The following CNTNAP2 variants were observed in gnomAD, a reference collection of about 807,000 sequenced individuals.
The protein encoded by CNTNAP2 is contactin associated protein 2.
Under a neutral mutation model 155.2 loss-of-function variants are expected in CNTNAP2, and 98 were observed. The observed-to-expected ratio is 0.63, with a 90% CI of 0.54 to 0.75. The LOEUF is 0.75. CNTNAP2 is among the 30% of genes least tolerant of loss of function. The pLI, the probability that CNTNAP2 is intolerant of heterozygous loss-of-function variation, is 0.00. For synonymous variants in CNTNAP2, 651 were observed against 631.2 expected, an observed-to-expected ratio of 1.03 and a Z score of -0.47; for missense variants, 1,727 against 1,688.1, an observed-to-expected ratio of 1.02 and a Z score of -0.40.
chr7:146,957,860 A>G (rs1161130575), intron 3 of CNTNAP2, among the ~76,000 whole-genome samples: 1 of 152,220 alleles, frequency 6.6e-6, no homozygotes, highest in Non-Finnish European at 1.5e-5. Flanking sequence ...CCAAGTGTGT[A>G]ATAGTTTATA....
intron 12 of CNTNAP2, among the ~76,000 whole-genome samples, chr7:147,602,466 T>C (rs190551032): frequency 2.0e-5 from 3 of 149,412 alleles, no homozygotes; most frequent in African/African-American, 7.4e-5. Flanking sequence ...ATGGGATATT[T>C]TACATTCATC....
At chr7:147,690,590 A>G (rs1422444016) in intron 13 of CNTNAP2, among the ~76,000 whole-genome samples, 1 of 152,164 alleles carries the variant, frequency 6.6e-6, no homozygotes, top group Non-Finnish European at 1.5e-5. Context: ...ATCTTAATAT[A>G]TCATAAAGGA....
chr7:146,914,652 T>A (rs1299124824), intron 3 of CNTNAP2, among the ~76,000 whole-genome samples: 1 of 152,094 alleles, frequency 6.6e-6, no homozygotes, highest in Non-Finnish European at 1.5e-5. Flanking sequence ...GATTGTTTTT[T>A]TGTCTAGTTG....
chr7:148,298,266 G>A (rs972696354), intron 21 of CNTNAP2, among the ~76,000 whole-genome samples: 14 of 152,142 alleles, frequency 9.2e-5, no homozygotes, highest in African/African-American at 2.9e-4. Flanking sequence ...ATCATCATCC[G>A]TATTGGTAAG....
In CNTNAP2 at chr7:147,105,411, A is replaced by T. The variant is rs1800745861; in HGVS notation, c.551-2736A>T. Among the ~76,000 whole-genome samples, 5 of 151,970 alleles carry T rather than the reference A, an allele frequency of 3.3e-5. No homozygotes were observed. The South Asian group carries it at 1.0e-3, about 31-fold the overall frequency. On this transcript the variant is annotated intron_variant, in intron 4 of 23. Transcript: ENST00000361727. ...TCAACCATACATATTTAATCACCGC[A>T]TCGAAAACTTAATTCTAGGGAGTGA...
rs115967882 is a variant in CNTNAP2, at chr7:146,484,763, A to G, written c.98-289508A>G. Reference sequence around the variant, plus strand: ...TCTTATTGCTACACCCCATGATTAGAGATTAATTGTGGCATATTTCTTCTT... The same window carrying G: ...TCTTATTGCTACACCCCATGATTAGGGATTAATTGTGGCATATTTCTTCTT... On this transcript the variant is annotated intron_variant, in intron 1 of 23. Coordinates refer to ENST00000361727, the MANE Select transcript of CNTNAP2 (RefSeq NM_014141.6). 5.3e-3 allele frequency among the ~76,000 whole-genome samples: 807 copies of G among 152,292 alleles called. 10 individuals are homozygous for G. Among genetic ancestry groups the G allele is most frequent in the African/African-American group, 0.019 (770 of 41,570 alleles).
At chr7:146,331,226 C>A (rs1282586437) in intron 1 of CNTNAP2, among the ~76,000 whole-genome samples, 3 of 151,354 alleles carry the variant, frequency 2.0e-5, no homozygotes, top group Non-Finnish European at 4.4e-5. Context: ...ATGGCGTGAA[C>A]CCGGGAAGCG....
chr7:146,193,160 T>C (rs1354292924), intron 1 of CNTNAP2, among the ~76,000 whole-genome samples: 1 of 152,144 alleles, frequency 6.6e-6, no homozygotes, highest in Non-Finnish European at 1.5e-5. Flanking sequence ...TGGGCTGGCA[T>C]TGAGTGTCTG....
chr7:147,245,708 G>C (rs1718833133), intron 8 of CNTNAP2, among the ~76,000 whole-genome samples: 1 of 133,746 alleles, frequency 7.5e-6, no homozygotes, highest in Admixed American at 9.0e-5. Flanking sequence ...TTGGCAGTAA[G>C]CTGAGATCAT....
At chr7:148,077,998 C>T (rs1394920524) in intron 15 of CNTNAP2, among the ~76,000 whole-genome samples, 1 of 151,920 alleles carries the variant, frequency 6.6e-6, no homozygotes, top group East Asian at 1.9e-4. Context: ...TAGAATATTA[C>T]AATATTAATT....
intron 1 of CNTNAP2, among the ~76,000 whole-genome samples, chr7:146,201,637 C>T (rs1015638190): frequency 1.8e-4 from 18 of 97,812 alleles, no homozygotes; most frequent in East Asian, 3.6e-4. Context: ...AAATGTCCCA[C>T]GAGTGTGTGT....
chr7:147,509,978 A>G (rs1798985951), intron 11 of CNTNAP2, among the ~76,000 whole-genome samples: 1 of 151,890 alleles, frequency 6.6e-6, no homozygotes. Context: ...CTTAAATTGT[A>G]TTTTATTTGA....
intron 1 of CNTNAP2, among the ~76,000 whole-genome samples, chr7:146,464,945 T>G (rs1416512697): frequency 2.0e-5 from 3 of 152,146 alleles, no homozygotes; most frequent in Non-Finnish European, 4.4e-5. Context: ...TACTTCCATT[T>G]TCTAGCTGCC....
At chr7:147,280,685 A>G (rs961845726) in intron 8 of CNTNAP2, among the ~76,000 whole-genome samples, 37 of 151,952 alleles carry the variant, frequency 2.4e-4, no homozygotes, top group African/African-American at 8.4e-4. Flanking sequence ...ATTAGTAACA[A>G]TAACTGTTAT....
chr7:146,497,987 G>C (rs996107568), intron 1 of CNTNAP2, among the ~76,000 whole-genome samples: 6 of 151,534 alleles, frequency 4.0e-5, no homozygotes, highest in Admixed American at 2.0e-4. Flanking sequence ...CTAAAGTACT[G>C]TACTGGAGTT....
chr7:146,371,365 GTTTT>G (rs58066282), intron 1 of CNTNAP2, among the ~76,000 whole-genome samples: 13 of 98,536 alleles, frequency 1.3e-4, no homozygotes, highest in Non-Finnish European at 1.9e-4. Flanking sequence ...GCCAGTATTA[GTTTT>G]TTTTTTTTTT....
intron 1 of CNTNAP2, among the ~76,000 whole-genome samples, chr7:146,722,749 G>T (rs114980971): frequency 1.3e-5 from 2 of 151,898 alleles, no homozygotes; most frequent in Non-Finnish European, 2.9e-5. Context: ...AGGTGCAGTC[G>T]CTCACGCCTG....
intron 8 of CNTNAP2, among the ~76,000 whole-genome samples, chr7:147,266,012 G>A (rs1334947647): frequency 6.6e-6 from 1 of 152,090 alleles, no homozygotes. Flanking sequence ...ATCTGAACCA[G>A]ACAAACTCAT....
At chr7:146,347,170 G>A (rs1344371746) in intron 1 of CNTNAP2, among the ~76,000 whole-genome samples, 3 of 148,528 alleles carry the variant, frequency 2.0e-5, no homozygotes, top group Non-Finnish European at 4.5e-5. Flanking sequence ...AACCCTGCCT[G>A]TGCCATTTGG....
Sources: allele counts gnomAD v4.1 joint callset (sites outside exome capture counted in the v4.1 genomes callset), GRCh38; gene constraint gnomAD v4.1.1; transcripts MANE v1.5; gene names NCBI Gene and HGNC (gene_info 2026-07-23, HGNC 2026-07-21).